The following FAM120B variants were observed in gnomAD, a reference collection of about 807,000 sequenced individuals.
The protein encoded by FAM120B is family with sequence similarity 120 member B.
FAM120B carries 83 observed loss-of-function variants against 96.3 expected under a neutral mutation model. The observed-to-expected ratio is 0.86, with a 90% confidence interval of 0.72 to 1.03. The LOEUF (loss-of-function observed/expected upper bound fraction) is 1.03. Ranked by LOEUF, FAM120B falls within the 50% of genes least tolerant of loss-of-function variation. The pLI is 0.00. For missense variants in FAM120B, 1,027 were observed against 1,121.2 expected, an observed-to-expected ratio of 0.92 and a Z score of 1.20; for synonymous variants, 407 against 402.7, an observed-to-expected ratio of 1.01 and a Z score of -0.13.
chr6:170,400,316 C>T (rs992902170), intron 9 of FAM120B, among the ~76,000 whole-genome samples: 42 of 151,108 alleles, frequency 2.8e-4, no homozygotes, highest in African/African-American at 1.0e-3. Flanking sequence ...AGAACTATGT[C>T]ATTTACAGAT....
intron 6 of FAM120B, among the ~76,000 whole-genome samples, chr6:170,382,254 T>A (rs947372384): frequency 3.3e-5 from 5 of 152,126 alleles, no homozygotes; most frequent in African/African-American, 1.2e-4. Context: ...GACCCCCATC[T>A]CTACAAAAAA....
At chr6:170,291,379 G>A (rs1162551439), upstream of FAM120B, among the ~76,000 whole-genome samples, 1 of 151,740 alleles carries the variant, frequency 6.6e-6, no homozygotes, top group East Asian at 1.9e-4. Flanking sequence ...GGGCCGCGGC[G>A]GCAGCCGAGG....
At chr6:170,293,247 C>A (rs1035524093), upstream of FAM120B, among the ~76,000 whole-genome samples, 1 of 152,014 alleles carries the variant, frequency 6.6e-6, no homozygotes, top group Non-Finnish European at 1.5e-5. Context: ...GAAGAGAATG[C>A]GAGGTCAGAA....
chr6:170,338,726 T>C (rs1257488992), intron 4 of FAM120B, among the ~76,000 whole-genome samples: 1 of 152,196 alleles, frequency 6.6e-6, no homozygotes, highest in Non-Finnish European at 1.5e-5. Flanking sequence ...CATATATATT[T>C]AGGATAGCTA....
intron 3 of FAM120B, among the ~76,000 whole-genome samples, chr6:170,325,015 C>T (rs993309245): frequency 3.3e-5 from 5 of 152,144 alleles, no homozygotes; most frequent in Non-Finnish European, 5.9e-5. Context: ...CAGGAGAAAA[C>T]GGTTAAAAAT....
intron 7 of FAM120B, among the ~76,000 whole-genome samples, chr6:170,389,335 G>A (rs540622426): frequency 1.9e-4 from 29 of 152,174 alleles, no homozygotes; most frequent in Non-Finnish European, 3.4e-4. Context: ...GAGACCAGGT[G>A]TGGAATTTTC....
intron 1 of FAM120B, among the ~76,000 whole-genome samples, chr6:170,297,284 G>A (rs900004075): frequency 2.6e-5 from 4 of 152,192 alleles, no homozygotes; most frequent in African/African-American, 9.7e-5. Context: ...GAGCGCGGCC[G>A]TGGAAGCTTT....
At chr6:170,327,129 C>T (rs1452361243) in intron 3 of FAM120B, among the ~76,000 whole-genome samples, 3 of 152,032 alleles carry the variant, frequency 2.0e-5, no homozygotes, top group African/African-American at 7.3e-5. Context: ...TCACTGCAAG[C>T]TCCGCCTCCC....
In FAM120B at chr6:170,318,088, T is replaced by G; in HGVS notation, c.698T>G (p.Ile233Arg). Reference protein sequence around the residue: ...PLLACLLGNDIIPEGMFESFR... With the variant: ...PLLACLLGNDRIPEGMFESFR... ...CTGGCCTGCCTCCTTGGCAACGACA[T>G]AATCCCAGAGGGCATGTTTGAAAGC... is the stretch of plus-strand genomic sequence containing the variant. The change falls in exon 2 of 11, where the codon ATA (isoleucine) becomes AGA (arginine). Residue 233 changes from isoleucine to arginine, a missense_variant. Physicochemically the swap from Ile to Arg is moderately conservative, Grantham distance 97. Coordinates refer to ENST00000476287, the MANE Select transcript of FAM120B (RefSeq NM_032448.3). 1 of 1,614,204 alleles carries G rather than the reference T, an allele frequency of 6.2e-7. No individual in the cohort carries two copies. The highest frequency in any genetic ancestry group is 8.5e-7 in the Non-Finnish European group (1 of 1,180,036).
chr6:170,390,135 A>G (rs1445392431), intron 7 of FAM120B, among the ~76,000 whole-genome samples: 1 of 152,202 alleles, frequency 6.6e-6, no homozygotes. Context: ...GTGAGAGAGC[A>G]TACCGGTCTG....
chr6:170,315,168 G>A (rs1032794311), intron 1 of FAM120B, among the ~76,000 whole-genome samples: 25 of 152,184 alleles, frequency 1.6e-4, no homozygotes, highest in Non-Finnish European at 5.9e-5. Flanking sequence ...GAGAAGTGGG[G>A]CCTTCCCTCA....
intron 9 of FAM120B, among the ~76,000 whole-genome samples, chr6:170,400,307 G>A (rs969291859): frequency 2.2e-4 from 34 of 152,302 alleles, no homozygotes; most frequent in African/African-American, 7.7e-4. Flanking sequence ...GGGGAAGGTA[G>A]AACTATGTCA....
Position 170,295,567 on chromosome 6 carries a change from T to TG in FAM120B, c.48+119dup, listed in dbSNP as rs1440833819. 3.5e-6 allele frequency: 2 copies of TG among 574,194 alleles called. No homozygotes were observed. The highest frequency in any genetic ancestry group is 3.1e-5 in the East Asian group (1 of 31,752). 35.6% of individuals were successfully genotyped at this position (574,194 alleles called of 1,614,324 possible). ...AGCTCTGCGCGAAGGTGGGCGACGG[T>TG]GGGGGCACAAGAACAGCAGCCGGGG... On this transcript the variant is annotated intron_variant, in intron 1 of 10. Transcript: ENST00000537664. The surrounding 1 kb of genome is among the most constrained non-coding windows in gnomAD (Gnocchi z 7.8).
At chr6:170,398,167 G>A (rs1484345329) in intron 9 of FAM120B, among the ~76,000 whole-genome samples, 1 of 152,216 alleles carries the variant, frequency 6.6e-6, no homozygotes, top group Non-Finnish European at 1.5e-5. Context: ...GGGACTCATC[G>A]CCACAGGCAA....
chr6:170,330,374 G>C, intron 3 of FAM120B, 75 bp from the exon 4 acceptor site: 1 of 1,171,078 alleles, frequency 8.5e-7, no homozygotes, highest in South Asian at 1.3e-5. Context: ...CACCTGGGCA[G>C]AGCTGGGTCT....
rs1348011918 is a variant in FAM120B at position 170,318,974 on chromosome 6, CA to C, written c.1586del (p.Asn529IlefsTer6). The C allele has an allele frequency of 2.5e-6, 4 of 1,614,048 alleles. No individual in the cohort carries two copies. Among genetic ancestry groups the C allele is most frequent in the Non-Finnish European group, 3.4e-6 (4 of 1,180,028 alleles). On this transcript the variant is annotated frameshift_variant, in exon 2 of 11. Coordinates refer to ENST00000476287, the MANE Select transcript of FAM120B (RefSeq NM_032448.3). LOFTEE classifies it high-confidence loss of function. ...EDSMCTHAEI[N>X]QKLPVATDFE... is the part of the protein sequence containing the mutation. ...ACTCCATGTGTACACACGCTGAAAT[CA>C]ATCAAAAATTACCTGTAGCAACAGA...
rs142483267 is a variant in FAM120B, at chr6:170,318,087, A to G, written c.697A>G (p.Ile233Val). 4.4e-5 allele frequency: 71 copies of G among 1,614,226 alleles called. No individual in the cohort carries two copies. The Middle Eastern group carries it at 1.5e-3, about 34-fold the overall frequency. Reference sequence around the variant, plus strand: ...TCTGGCCTGCCTCCTTGGCAACGACATAATCCCAGAGGGCATGTTTGAAAG... The same window carrying G: ...TCTGGCCTGCCTCCTTGGCAACGACGTAATCCCAGAGGGCATGTTTGAAAG... Reference protein sequence around the residue: ...PLLACLLGNDIIPEGMFESFR... With the variant: ...PLLACLLGNDVIPEGMFESFR... Residue 233 changes from isoleucine (I) to valine (V), a missense_variant, in exon 2 of 11, where the codon ATA becomes GTA. Around this residue, in one of 3 missense-constraint regions of FAM120B, gnomAD observed 880 missense variants for 980.9 expected, o/e 0.90. Coordinates refer to ENST00000476287, the MANE Select transcript of FAM120B (RefSeq NM_032448.3).
At position 170,328,425 on chromosome 6, in the gene FAM120B, TG is replaced by T. The variant is rs986509971; in HGVS notation, c.1916-2017del. Among the ~76,000 whole-genome samples, 86 of 152,220 alleles carry T rather than the reference TG, an allele frequency of 5.6e-4. 1 individual carries two copies. The highest frequency in any genetic ancestry group is 2.0e-3 in the African/African-American group (85 of 41,520). On this transcript the variant is annotated intron_variant, in intron 3 of 10. Coordinates refer to ENST00000476287, the MANE Select transcript of FAM120B (RefSeq NM_032448.3). ...TACAGGACTGTATTTCATCTTTCTT[TG>T]GGGGGGTATAGTTTTGCTGCATATA...
intron 6 of FAM120B, among the ~76,000 whole-genome samples, chr6:170,359,990 A>G (rs112005425): frequency 8.9e-4 from 135 of 152,290 alleles, no homozygotes; most frequent in African/African-American, 3.1e-3. Context: ...TGTGGCTGCC[A>G]TTGGCTGTGG....
Sources: allele counts gnomAD v4.1 joint callset (sites outside exome capture counted in the v4.1 genomes callset), GRCh38; gene constraint gnomAD v4.1.1; regional missense constraint gnomAD v4.1.1; non-coding constraint Gnocchi (gnomAD v3.1); transcripts MANE v1.5; gene names NCBI Gene and HGNC (gene_info 2026-07-23, HGNC 2026-07-21).